The following MYOT variants were observed in gnomAD, a reference collection of about 807,000 sequenced individuals.
The protein encoded by MYOT is myotilin.
A neutral mutation model predicts 58.0 loss-of-function variants in MYOT; 36 were observed. The ratio of observed to expected loss-of-function variants is 0.62; its 90% CI spans 0.48 to 0.82. The LOEUF (loss-of-function observed/expected upper bound fraction) is 0.82. Among genes scored for constraint, MYOT ranks in the 40% least tolerant of loss-of-function variants. The pLI is 0.00. For synonymous variants in MYOT, 218 were observed against 204.6 expected, an observed-to-expected ratio of 1.07 and a Z score of -0.56; for missense variants, 505 against 592.1, an observed-to-expected ratio of 0.85 and a Z score of 1.53.
intron 5 of MYOT, 135 bp from the exon 6 acceptor site, chr5:137,881,838 G>T: frequency 1.1e-6 from 1 of 871,566 alleles, no homozygotes; most frequent in East Asian, 2.7e-5. Flanking sequence ...GCTGAGATTG[G>T]GCCACTGTAC....
At chr5:137,882,470 A>G (rs1012422509) in intron 6 of MYOT, among the ~76,000 whole-genome samples, 2 of 150,002 alleles carry the variant, frequency 1.3e-5, no homozygotes, top group African/African-American at 4.9e-5. Context: ...TTTTTTTGAG[A>G]CAGGGTCTTG....
At chr5:137,886,480 C>T (rs1415518297) in intron 8 of MYOT, among the ~76,000 whole-genome samples, 3 of 152,136 alleles carry the variant, frequency 2.0e-5, no homozygotes, top group African/African-American at 7.2e-5. Flanking sequence ...AAATAAATGA[C>T]ATAAACAAGA....
In MYOT at chr5:137,870,591, C is replaced by A; in HGVS notation, c.-61C>A. 6.7e-7 allele frequency: 1 copy of A among 1,488,480 alleles called. No individual in the cohort carries two copies. The highest frequency in any genetic ancestry group is 9.4e-7 in the Non-Finnish European group (1 of 1,065,786). The allele number at this position is 1,488,480 out of a possible 1,614,324, so 92.2% of individuals were successfully genotyped here. ...TGTGGCCCCAAATTCAGGGCCCCAC[C>A]CTTCCAGGAACAAATCATTATAGTA... On this transcript the variant is annotated 5_prime_UTR_variant, in exon 2 of 10. Coordinates refer to ENST00000239926, the MANE Select transcript of MYOT (RefSeq NM_006790.3).
At chr5:137,875,332 G>A (rs907618185) in intron 2 of MYOT, among the ~76,000 whole-genome samples, 1 of 152,078 alleles carries the variant, frequency 6.6e-6, no homozygotes. Context: ...ATAAACACTG[G>A]AGATCCCGAA....
intron 4 of MYOT, among the ~76,000 whole-genome samples, chr5:137,879,482 T>C (rs895948386): frequency 6.6e-6 from 1 of 151,314 alleles, no homozygotes; most frequent in African/African-American, 2.4e-5. Flanking sequence ...TTAGGGGAAT[T>C]ACTCAAAGCA....
At chr5:137,882,625 T>G (rs1478546370) in intron 6 of MYOT, among the ~76,000 whole-genome samples, 3 of 152,116 alleles carry the variant, frequency 2.0e-5, no homozygotes, top group Non-Finnish European at 4.4e-5. Context: ...CTAGAACTCC[T>G]GGGTTCAAGG....
At position 137,882,026 on chromosome 5, in the gene MYOT, A is replaced by T; in HGVS notation, c.737A>T (p.Lys246Ile). ...DVNDQDAIQEKFYPPRFIQVP... is the reference protein window; with the variant it reads ...DVNDQDAIQEIFYPPRFIQVP... ...AATGATCAGGATGCAATCCAGGAGA[A>T]ATTTTACCCACCACGTTTCATTCAA... Residue 246 changes from lysine (K) to isoleucine (I), a missense_variant, in exon 6 of 10, where the codon AAA becomes ATA. Coordinates refer to ENST00000239926, the MANE Select transcript of MYOT (RefSeq NM_006790.3). 6.2e-7 allele frequency: 1 copy of T among 1,614,112 alleles called. No individual in the cohort carries two copies. Among genetic ancestry groups the T allele is most frequent in the Non-Finnish European group, 8.5e-7 (1 of 1,179,942 alleles).
Position 137,871,027 on chromosome 5 carries a change from C to A in MYOT, c.356+20C>A, listed in dbSNP as rs375252441. 5.0e-6 allele frequency: 8 copies of A among 1,593,666 alleles called. No homozygotes were observed. The African/African-American group carries it at 1.1e-4, about 21-fold the overall frequency. On this transcript the variant is annotated intron_variant, in intron 2 of 9. Coordinates refer to ENST00000239926, the MANE Select transcript of MYOT (RefSeq NM_006790.3). ...TTCCAAGTAAGTGAATTTTTATATA[C>A]CGCATGTACAGTGAACTTATATCTG... is the stretch of plus-strand genomic sequence containing the variant.
chr5:137,887,150 C>T (rs1258350138), intron 9 of MYOT, 63 bp from the exon 10 acceptor site: 53 of 1,593,592 alleles, frequency 3.3e-5, no homozygotes, highest in Non-Finnish European at 4.1e-5. Context: ...ATAATAAATA[C>T]CTAGTGTGAC....
At chr5:137,884,111 C>T (rs1403740498) in intron 7 of MYOT, among the ~76,000 whole-genome samples, 2 of 152,052 alleles carry the variant, frequency 1.3e-5, no homozygotes, top group Admixed American at 6.6e-5. Context: ...CTTTAAGAGG[C>T]GCCAAGGTGG....
At chr5:137,881,882 A>G (rs1755443440) in intron 5 of MYOT, 91 bp from the exon 6 acceptor site, 1 of 1,022,660 alleles carries the variant, frequency 9.8e-7, no homozygotes, top group Admixed American at 2.2e-5. Flanking sequence ...AACTCCATTG[A>G]AAAAAAAAAA....
chr5:137,878,274 G>A (rs1319350767), intron 4 of MYOT, among the ~76,000 whole-genome samples: 2 of 149,386 alleles, frequency 1.3e-5, no homozygotes, highest in African/African-American at 5.0e-5. Context: ...CTGGAGTGCA[G>A]TGGCACAATC....
intron 3 of MYOT, 123 bp from the exon 4 acceptor site, chr5:137,877,396 AT>A: frequency 1.7e-6 from 1 of 601,016 alleles, no homozygotes; most frequent in Non-Finnish European, 2.9e-6. Context: ...AAAAAATAGA[AT>A]CTATCATTCA....
intron 6 of MYOT, chr5:137,882,977 G>GT (rs1755483965): frequency 5.1e-6 from 1 of 195,324 alleles, no homozygotes; most frequent in Admixed American, 5.5e-5. Flanking sequence ...AGAACACTCT[G>GT]TTTTAGAAAA....
At chr5:137,876,499 T>A (rs1224867599) in intron 3 of MYOT, among the ~76,000 whole-genome samples, 2 of 152,188 alleles carry the variant, frequency 1.3e-5, no homozygotes, top group African/African-American at 4.8e-5. Flanking sequence ...AAATATTCAG[T>A]GCTCATTTAA....
At chr5:137,878,183 G>A (rs943937894) in intron 4 of MYOT, among the ~76,000 whole-genome samples, 1 of 151,008 alleles carries the variant, frequency 6.6e-6, no homozygotes, top group African/African-American at 2.4e-5. Flanking sequence ...TAACTTTATG[G>A]TGGCACATCC....
Position 137,886,912 on chromosome 5 carries a change from AAAC to A in MYOT, c.1242_1244del (p.Asn414del). The A allele has an allele frequency of 1.3e-6, 2 of 1,598,806 alleles. No individual in the cohort carries two copies. The highest frequency in any genetic ancestry group is 2.2e-5 in the South Asian group (2 of 90,730). Reference sequence around the variant, plus strand: ...GAGTTACTTTACTGATAAAAGATGTAAACAAGAAAGATGCTGGGTGGTATACTG... The same window carrying A: ...GAGTTACTTTACTGATAAAAGATGTAAAGAAAGATGCTGGGTGGTATACTG... On this transcript the variant is annotated inframe_deletion, in exon 9 of 10. Transcript: ENST00000239926.
intron 7 of MYOT, among the ~76,000 whole-genome samples, 168 bp from the exon 8 acceptor site, chr5:137,885,880 T>C (rs1215720106): frequency 2.6e-5 from 4 of 151,922 alleles, no homozygotes; most frequent in African/African-American, 9.7e-5. Context: ...TTTAGAATTC[T>C]GAATGGTATA....
At chr5:137,887,153 A>AG in intron 9 of MYOT, 60 bp from the exon 10 acceptor site, 1 of 1,597,208 alleles carries the variant, frequency 6.3e-7, no homozygotes, top group Non-Finnish European at 8.6e-7. Context: ...ATAAATACCT[A>AG]GTGTGACCAA....
Sources: allele counts gnomAD v4.1 joint callset (sites outside exome capture counted in the v4.1 genomes callset), GRCh38; gene constraint gnomAD v4.1.1; transcripts MANE v1.5; gene names NCBI Gene and HGNC (gene_info 2026-07-23, HGNC 2026-07-21).